The following LSP1 variants were observed in gnomAD, a reference collection of about 807,000 sequenced individuals.
The protein encoded by LSP1 is lymphocyte-specific protein 1.
A neutral mutation model predicts 49.3 loss-of-function variants in LSP1; 32 were observed. The observed-to-expected ratio is 0.65, with a 90% CI of 0.49 to 0.87. The LOEUF (loss-of-function observed/expected upper bound fraction) is 0.87, where lower values mean the gene tolerates loss of function less well. Ranked by LOEUF, LSP1 falls within the 40% of genes least tolerant of loss-of-function variation. The pLI is 0.00. For synonymous variants in LSP1, 179 were observed against 178.8 expected, an observed-to-expected ratio of 1.00 and a Z score of -0.01; for missense variants, 428 against 442.6, an observed-to-expected ratio of 0.97 and a Z score of 0.30.
chr11:1,875,727 G>C (rs588321), intron 1 of LSP1, among the ~76,000 whole-genome samples: 55,925 of 152,216 alleles, frequency 0.37, 11,477 homozygotes, highest in East Asian at 0.73. Flanking sequence ...GAGGCCCCGG[G>C]GGGGAGGCTG....
intron 1 of LSP1, among the ~76,000 whole-genome samples, chr11:1,867,825 C>T (rs777737420): frequency 5.5e-5 from 8 of 146,234 alleles, no homozygotes; most frequent in South Asian, 2.2e-4. Flanking sequence ...CCTGCCCCGT[C>T]GCCCCCCACC....
intron 1 of LSP1, chr11:1,868,723 C>G (rs1193106813): frequency 2.0e-6 from 2 of 985,748 alleles, no homozygotes; most frequent in Non-Finnish European, 2.4e-6. Context: ...GAAGCCCAGG[C>G]GAGCCAGCAG....
chr11:1,857,119 T>A (rs973811319), intron 1 of LSP1, among the ~76,000 whole-genome samples: 6 of 152,224 alleles, frequency 3.9e-5, no homozygotes, highest in African/African-American at 1.4e-4. Flanking sequence ...GAAGGATGTC[T>A]TCTTCCTCGT....
At chr11:1,879,074 G>A (rs1848430797) in intron 1 of LSP1, among the ~76,000 whole-genome samples, 1 of 152,190 alleles carries the variant, frequency 6.6e-6, no homozygotes, top group South Asian at 2.1e-4. Context: ...GCTGGGTGCG[G>A]TGGCTCATCC....
rs529739049 is a variant in LSP1, at chr11:1,890,603, G to A, written c.*14-1170G>A. 1.4e-4 allele frequency: 100 copies of A among 699,576 alleles called. 1 individual carries two copies. In the South Asian group the frequency reaches 1.4e-3, roughly 10 times the overall value. The allele number at this position is 699,576 out of a possible 1,614,324, so 43.3% of individuals were successfully genotyped here. On this transcript the variant is annotated intron_variant, in intron 10 of 10. Transcript: ENST00000311604. ...TGAGCATGACTGTGTCCTAGGGTGG[G>A]AGGGACAGTGGTCAGGCCAGCCCTC...
At chr11:1,881,877 C>G (rs917858614) in intron 3 of LSP1, among the ~76,000 whole-genome samples, 1 of 152,258 alleles carries the variant, frequency 6.6e-6, no homozygotes, top group East Asian at 1.9e-4. Flanking sequence ...GGCGAGGGGC[C>G]GCGAGGAAAC....
At chr11:1,860,298 T>TGGATGGATGGAC (rs1737256666) in intron 1 of LSP1, among the ~76,000 whole-genome samples, 1 of 151,422 alleles carries the variant, frequency 6.6e-6, no homozygotes, top group African/African-American at 2.4e-5. Context: ...AATTGAATGA[T>TGGATGGATGGAC]GGATGGATGG....
intron 1 of LSP1, chr11:1,865,065 A>G: frequency 6.4e-6 from 2 of 312,958 alleles, no homozygotes; most frequent in Non-Finnish European, 9.4e-6. Flanking sequence ...AAAGCCAAGG[A>G]GAGCTGGGCA....
At chr11:1,868,721 G>A (rs2133074512) in intron 1 of LSP1, 1 of 985,776 alleles carries the variant, frequency 1.0e-6, no homozygotes, top group South Asian at 4.7e-5. Flanking sequence ...CAGAAGCCCA[G>A]GCGAGCCAGC....
rs1376940852 is a variant in LSP1 at position 1,856,419 on chromosome 11, C to T, written c.53+3222C>T. On this transcript the variant is annotated intron_variant, in intron 1 of 10. Transcript: ENST00000311604. ...CATGCCCCTCCTAGCATCACCCAAC[C>T]GCCCTGCTCCTCTGCAGACCTTCAA... 3.7e-4 allele frequency among the ~76,000 whole-genome samples: 57 copies of T among 152,260 alleles called. 1 individual carries two copies. Among genetic ancestry groups the T allele is most frequent in the Admixed American group, 3.1e-3 (48 of 15,292 alleles).
intron 1 of LSP1, chr11:1,876,780 C>A: frequency 5.5e-6 from 2 of 363,740 alleles, no homozygotes; most frequent in Non-Finnish European, 7.6e-6. Context: ...GGGTGCTTGG[C>A]AGTGGATGAG....
chr11:1,886,187 A>G (rs1371977351), intron 7 of LSP1, among the ~76,000 whole-genome samples: 1 of 151,568 alleles, frequency 6.6e-6, no homozygotes. Flanking sequence ...TATCCAATCA[A>G]CGTCGTTGCA....
At chr11:1,856,150 C>A (rs1191542407) in intron 1 of LSP1, among the ~76,000 whole-genome samples, 2 of 152,228 alleles carry the variant, frequency 1.3e-5, no homozygotes, top group African/African-American at 2.4e-5. Flanking sequence ...CCCACAGACA[C>A]CCTGGCTGCC....
chr11:1,866,952 C>A (rs1324980533), intron 1 of LSP1: 26 of 1,463,748 alleles, frequency 1.8e-5, no homozygotes, highest in Non-Finnish European at 2.3e-5. Flanking sequence ...ACCGTGTGGG[C>A]CCAGGCTCGG....
In LSP1 at chr11:1,887,552, C is replaced by T. The variant is rs773812500; in HGVS notation, c.1009C>T (p.Pro337Ser). 3 of 1,613,750 alleles carry T rather than the reference C, an allele frequency of 1.9e-6. No homozygotes were observed. Among genetic ancestry groups the T allele is most frequent in the Non-Finnish European group, 2.5e-6 (3 of 1,179,918 alleles). Residue 337 changes from proline (P) to serine (S), a missense_variant, in exon 10 of 11, where the codon CCG (proline) becomes TCG (serine). Pro to Ser is a moderately conservative substitution (Grantham distance 74, BLOSUM62 -1). Transcript: ENST00000311604. ...KYEKVLVEGG[P>S]AP ...TGAGAAGGTGCTTGTGGAAGGGGGCCCGGCTCCCTAGGCGTCCCATCTCGG... is the reference window on the plus strand; with the variant it reads ...TGAGAAGGTGCTTGTGGAAGGGGGCTCGGCTCCCTAGGCGTCCCATCTCGG...
At chr11:1,865,858 C>T (rs928429456) in intron 1 of LSP1, among the ~76,000 whole-genome samples, 1 of 151,938 alleles carries the variant, frequency 6.6e-6, no homozygotes, top group Admixed American at 6.6e-5. Context: ...GAACTTTGGG[C>T]TGAGCTTACC....
chr11:1,878,515 G>T (rs539081162), intron 1 of LSP1, among the ~76,000 whole-genome samples: 1 of 152,178 alleles, frequency 6.6e-6, no homozygotes, highest in South Asian at 2.1e-4. Context: ...CTGGGTTTGC[G>T]TGGCTGGAGT....
At chr11:1,881,751 G>T (rs1488283802) in intron 3 of LSP1, among the ~76,000 whole-genome samples, 155 bp downstream of exon 3, 1 of 150,504 alleles carries the variant, frequency 6.6e-6, no homozygotes, top group Non-Finnish European at 1.5e-5. Context: ...CCCTCAACCT[G>T]CGCCTGAGCA....
At chr11:1,890,092 TG>T (rs746984967) in intron 10 of LSP1, 8 of 716,180 alleles carry the variant, frequency 1.1e-5, no homozygotes, top group South Asian at 1.0e-4. Context: ...ACGAAGCCAC[TG>T]GGGGGCCGGG....
Sources: allele counts gnomAD v4.1 joint callset (sites outside exome capture counted in the v4.1 genomes callset), GRCh38; gene constraint gnomAD v4.1.1; transcripts MANE v1.5; gene names NCBI Gene and HGNC (gene_info 2026-07-23, HGNC 2026-07-21).